TRPM3: variants seen among roughly 807,000 people sequenced by gnomAD.
The protein encoded by TRPM3 is transient receptor potential cation channel subfamily M member 3, also known as long transient receptor potential channel 3.
A neutral mutation model predicts 181.2 loss-of-function variants in TRPM3; 77 were observed. The observed-to-expected ratio is 0.42, with a 90% CI of 0.35 to 0.51. The LOEUF is 0.51. Ranked by LOEUF, TRPM3 falls within the 20% of genes least tolerant of loss-of-function variation. The probability of loss-of-function intolerance (pLI) is 0.01; values close to 1 mark genes in which losing one functional copy is unlikely to be tolerated. For missense variants in TRPM3, 1,759 were observed against 2,196.7 expected (o/e 0.80, Z 3.98); for synonymous variants, 745 against 796.4 (o/e 0.94, Z 1.09).
intron 9 of TRPM3, among the ~76,000 whole-genome samples, chr9:70,679,494 C>T (rs1423996589): frequency 2.0e-5 from 3 of 152,148 alleles, no homozygotes; most frequent in Non-Finnish European, 2.9e-5. Flanking sequence ...TGGATCACTT[C>T]CCCATTTGCT....
intron 1 of TRPM3, among the ~76,000 whole-genome samples, chr9:71,357,044 A>G (rs2091926938): frequency 6.6e-6 from 1 of 152,158 alleles, no homozygotes; most frequent in South Asian, 2.1e-4. Context: ...AAAACAAAAT[A>G]GTGATAAAAG....
chr9:71,056,645 T>C (rs2060692415), intron 1 of TRPM3, among the ~76,000 whole-genome samples: 1 of 151,948 alleles, frequency 6.6e-6, no homozygotes, highest in African/African-American at 2.4e-5. Flanking sequence ...ATGACTGGTA[T>C]CCCTACAAGA....
intron 1 of TRPM3, among the ~76,000 whole-genome samples, chr9:71,019,086 G>C (rs1336850075): frequency 6.6e-6 from 1 of 151,852 alleles, no homozygotes; most frequent in Middle Eastern, 3.2e-3. Flanking sequence ...CTAAGAATAA[G>C]AGAAAATTTC....
intron 1 of TRPM3, among the ~76,000 whole-genome samples, chr9:71,025,618 G>A (rs1401015207): frequency 6.6e-6 from 1 of 152,190 alleles, no homozygotes; most frequent in East Asian, 1.9e-4. Flanking sequence ...ACAATATGTA[G>A]CGCGCAGAAA....
Position 71,121,344 on chromosome 9 carries a change from G to T in TRPM3, c.11C>A (p.Pro4Gln), listed in dbSNP as rs761884852. The change falls in exon 1 of 26, where the codon CCG becomes CAG. Residue 4 changes from proline to glutamine, a missense_variant. Coordinates refer to ENST00000677713, the MANE Select transcript of TRPM3 (RefSeq NM_001366145.2). Reference sequence around the variant, plus strand: ...GCCTAGAAAATAAACGGTCCCCCACGGCTCTGGCATCCCATGGTCATCTCC... The same window carrying T: ...GCCTAGAAAATAAACGGTCCCCCACTGCTCTGGCATCCCATGGTCATCTCC... The part of the protein sequence containing the change: MPE[P>Q]WGTVYFLGIA... 1 of 1,613,664 alleles carries T rather than the reference G, an allele frequency of 6.2e-7. No individual in the cohort carries two copies. The highest frequency in any genetic ancestry group is 1.7e-5 in the Admixed American group (1 of 59,990).
intron 1 of TRPM3, among the ~76,000 whole-genome samples, chr9:71,065,677 C>CA (rs2061830201): frequency 6.6e-6 from 1 of 152,174 alleles, no homozygotes; most frequent in Admixed American, 6.5e-5. Flanking sequence ...TTGTCCAAAG[C>CA]AATCCTGGTA....
At chr9:70,943,882 C>T (rs1021043080) in intron 1 of TRPM3, among the ~76,000 whole-genome samples, 6 of 152,158 alleles carry the variant, frequency 3.9e-5, no homozygotes, top group African/African-American at 1.4e-4. Context: ...CAGGTTCAAG[C>T]AATTCTCTTG....
intron 2 of TRPM3, 80 bp downstream of exon 2, chr9:70,864,352 G>T: frequency 2.1e-6 from 2 of 967,680 alleles, no homozygotes; most frequent in Non-Finnish European, 1.5e-6. Context: ...TGTTTCCCTT[G>T]TAACAGGTCA....
At chr9:70,948,031 CCTTAA>C (rs1428644362) in intron 1 of TRPM3, among the ~76,000 whole-genome samples, 3 of 151,940 alleles carry the variant, frequency 2.0e-5, no homozygotes, top group Admixed American at 6.6e-5. Flanking sequence ...CCACATAATT[CCTTAA>C]CTTGATTTTA....
intron 1 of TRPM3, among the ~76,000 whole-genome samples, chr9:71,006,554 G>A (rs964967078): frequency 1.9e-4 from 29 of 152,154 alleles, no homozygotes; most frequent in African/African-American, 6.8e-4. Context: ...CACAGGAGAA[G>A]TAGCTACACT....
At chr9:71,324,949 G>T (rs575699064) in intron 1 of TRPM3, among the ~76,000 whole-genome samples, 53 of 152,102 alleles carry the variant, frequency 3.5e-4, no homozygotes, top group Admixed American at 1.4e-3. Context: ...AAGGGTGAGT[G>T]GGGGAGAGGA....
intron 8 of TRPM3, among the ~76,000 whole-genome samples, chr9:70,757,498 T>A (rs538878681): frequency 1.3e-5 from 2 of 152,116 alleles, no homozygotes. Flanking sequence ...GCCAGCATCA[T>A]CCTGATACCA....
At chr9:71,261,627 A>C (rs2083060028) in intron 1 of TRPM3, among the ~76,000 whole-genome samples, 1 of 152,132 alleles carries the variant, frequency 6.6e-6, no homozygotes, top group Non-Finnish European at 1.5e-5. Context: ...AGTTTTTCCT[A>C]ATCTTCATGG....
chr9:71,248,292 A>C (rs2082150051), intron 1 of TRPM3, among the ~76,000 whole-genome samples: 1 of 152,222 alleles, frequency 6.6e-6, no homozygotes, highest in Admixed American at 6.5e-5. Flanking sequence ...GTGTTCAACC[A>C]ACTCTGGCCA....
chr9:70,875,202 C>A lies in TRPM3; in HGVS notation c.178-10691G>T, dbSNP rs1032184718. 2.0e-5 allele frequency among the ~76,000 whole-genome samples: 3 copies of A among 151,862 alleles called. No individual in the cohort carries two copies. In the South Asian group the frequency reaches 6.2e-4, roughly 31 times the overall value. ...GTGATTTGCTTACAACTAGACATGA[C>A]CTTGGAGGAGTGACTTAATTTTGGT... On this transcript the variant is annotated intron_variant, in intron 1 of 25. Transcript: ENST00000677713.
chr9:71,207,223 G>A (rs1372713146), intron 1 of TRPM3, among the ~76,000 whole-genome samples: 4 of 152,012 alleles, frequency 2.6e-5, no homozygotes, highest in African/African-American at 9.7e-5. Context: ...ACACCATGCT[G>A]CTAACAATTA....
intron 7 of TRPM3, among the ~76,000 whole-genome samples, chr9:70,778,000 C>A (rs899049234): frequency 3.9e-5 from 6 of 151,982 alleles, no homozygotes; most frequent in East Asian, 3.9e-4. Flanking sequence ...CAGACACACA[C>A]ACACACACAC....
chr9:70,652,587 A>G (rs766445643), intron 9 of TRPM3, among the ~76,000 whole-genome samples: 4 of 152,204 alleles, frequency 2.6e-5, no homozygotes, highest in Admixed American at 6.5e-5. Context: ...GGCATATTAC[A>G]TGTATGATCT....
intron 1 of TRPM3, among the ~76,000 whole-genome samples, chr9:71,226,630 T>TTGTG (rs549314043): frequency 6.6e-6 from 1 of 151,298 alleles, no homozygotes; most frequent in Admixed American, 6.6e-5. Flanking sequence ...GAGGATATGA[T>TTGTG]TGTGTGTGTG....
Sources: allele counts gnomAD v4.1 joint callset (sites outside exome capture counted in the v4.1 genomes callset), GRCh38; gene constraint gnomAD v4.1.1; transcripts MANE v1.5; gene names NCBI Gene and HGNC (gene_info 2026-07-23, HGNC 2026-07-21).